The following CACNA2D1 variants were observed in gnomAD, a reference collection of about 807,000 sequenced individuals.
The protein encoded by CACNA2D1 is voltage-dependent calcium channel subunit alpha-2/delta-1.
Under a neutral mutation model 171.5 loss-of-function variants are expected in CACNA2D1, and 53 were observed. That is an observed-to-expected ratio of 0.31 (90% CI 0.25 to 0.39). CACNA2D1 has a LOEUF of 0.39. CACNA2D1 is among the 10% of genes least tolerant of loss of function. The pLI, the probability that CACNA2D1 is intolerant of heterozygous loss-of-function variation, is 1.00. For missense variants in CACNA2D1, 903 were observed against 1,299.8 expected (o/e 0.69, Z 4.69); for synonymous variants, 442 against 443.1 (o/e 1.00, Z 0.03).
chr7:82,330,118 GT>G (rs1817140447), intron 3 of CACNA2D1, among the ~76,000 whole-genome samples: 1 of 151,724 alleles, frequency 6.6e-6, no homozygotes, highest in Non-Finnish European at 1.5e-5. Flanking sequence ...CAACTAAAAG[GT>G]TTTGATATCG....
chr7:82,032,135 A>G (rs1185534624), intron 12 of CACNA2D1, among the ~76,000 whole-genome samples: 1 of 152,010 alleles, frequency 6.6e-6, no homozygotes, highest in Non-Finnish European at 1.5e-5. Context: ...CCTCCACAGT[A>G]TCAGGTTCAA....
intron 18 of CACNA2D1, chr7:82,001,637 G>A: frequency 9.6e-7 from 1 of 1,043,348 alleles, no homozygotes; most frequent in Non-Finnish European, 1.3e-6. Context: ...GCACTGTTAA[G>A]GCTACCTTCA....
intron 1 of CACNA2D1, among the ~76,000 whole-genome samples, chr7:82,432,313 T>C (rs144608470): frequency 6.6e-6 from 1 of 152,314 alleles, no homozygotes; most frequent in Non-Finnish European, 1.5e-5. Context: ...TTTTCCACAC[T>C]GCAATGGTAC....
intron 3 of CACNA2D1, among the ~76,000 whole-genome samples, chr7:82,304,105 T>C (rs1813399441): frequency 6.6e-6 from 1 of 152,080 alleles, no homozygotes; most frequent in African/African-American, 2.4e-5. Context: ...TCAACATCGC[T>C]AATCATCAGG....
intron 3 of CACNA2D1, among the ~76,000 whole-genome samples, chr7:82,190,550 C>T (rs1418050459): frequency 6.6e-6 from 1 of 151,534 alleles, no homozygotes; most frequent in African/African-American, 2.4e-5. Flanking sequence ...TTTAATCAAC[C>T]CAGTAGTGTG....
At chr7:82,114,656 T>C (rs979384071) in intron 6 of CACNA2D1, among the ~76,000 whole-genome samples, 9 of 151,038 alleles carry the variant, frequency 6.0e-5, no homozygotes, top group African/African-American at 1.9e-4. Flanking sequence ...CTCAGGAGGC[T>C]GAAGCAGGAT....
At chr7:81,968,818 A>G (rs1794971843) in intron 29 of CACNA2D1, 69 bp downstream of exon 29, 13 of 867,600 alleles carry the variant, frequency 1.5e-5, no homozygotes, top group Non-Finnish European at 2.5e-5. Context: ...AAACATTGCC[A>G]GTTTATAATA....
intron 27 of CACNA2D1, 138 bp from the exon 28 acceptor site, chr7:81,970,122 A>C: frequency 1.5e-6 from 1 of 682,472 alleles, no homozygotes. Context: ...TTGATAGCAT[A>C]ACTGATACTC....
intron 3 of CACNA2D1, among the ~76,000 whole-genome samples, chr7:82,258,055 C>G (rs116256287): frequency 0.01 from 1,557 of 152,114 alleles, 20 homozygotes; most frequent in African/African-American, 0.035. Context: ...AAGCCATTTG[C>G]TTCTACAGAA....
intron 6 of CACNA2D1, among the ~76,000 whole-genome samples, chr7:82,091,841 A>G (rs1811210400): frequency 1.3e-5 from 2 of 152,210 alleles, no homozygotes; most frequent in African/African-American, 2.4e-5. Context: ...ACAACATACT[A>G]CTTAAAACAA....
chr7:82,361,430 T>C (rs895613602), intron 1 of CACNA2D1, among the ~76,000 whole-genome samples: 9 of 152,206 alleles, frequency 5.9e-5, no homozygotes, highest in Non-Finnish European at 1.2e-4. Context: ...AAAGTTTATA[T>C]AAATGTCCAA....
At chr7:82,001,663 A>AT (rs1798612420) in intron 18 of CACNA2D1, 1 of 1,234,320 alleles carries the variant, frequency 8.1e-7, no homozygotes, top group South Asian at 1.2e-5. Context: ...AGTTACCTGG[A>AT]TATTGGGTCT....
At chr7:81,956,931 T>C (rs1793450275) in intron 38 of CACNA2D1, among the ~76,000 whole-genome samples, 1 of 152,154 alleles carries the variant, frequency 6.6e-6, no homozygotes, top group Admixed American at 6.6e-5. Flanking sequence ...CTTAAAAGGT[T>C]AATTAATAAT....
intron 10 of CACNA2D1, among the ~76,000 whole-genome samples, chr7:82,048,791 A>C (rs1457716305): frequency 6.6e-6 from 1 of 152,080 alleles, no homozygotes; most frequent in Non-Finnish European, 1.5e-5. Flanking sequence ...CTTTACCTAC[A>C]CTCAAAATTA....
At chr7:82,165,885 G>A (rs762033429) in intron 4 of CACNA2D1, among the ~76,000 whole-genome samples, 2 of 151,988 alleles carry the variant, frequency 1.3e-5, no homozygotes, top group Non-Finnish European at 2.9e-5. Context: ...TCATTTTGGT[G>A]ATCTATTAAA....
intron 5 of CACNA2D1, 65 bp from the exon 6 acceptor site, chr7:82,117,238 T>A: frequency 6.8e-7 from 1 of 1,477,396 alleles, no homozygotes; most frequent in Non-Finnish European, 9.4e-7. Flanking sequence ...TCACATGCAC[T>A]TCTTTACTTG....
Position 82,005,409 on chromosome 7 carries a change from AATT to A in CACNA2D1, c.1590+11_1590+13del, listed in dbSNP as rs1224374495. ...TACAAAACACTAATCACTGTAAACA[AATT>A]ATATACTGACCTTTGGCTGAAGATT... On this transcript the variant is annotated intron_variant, in intron 18 of 38. Coordinates refer to ENST00000356860, the MANE Select transcript of CACNA2D1 (RefSeq NM_000722.4). The A allele has an allele frequency of 6.7e-7, 1 of 1,500,374 alleles. No individual in the cohort carries two copies. Among genetic ancestry groups the A allele is most frequent in the African/African-American group, 1.4e-5 (1 of 72,748 alleles). The allele number at this position is 1,500,374 out of a possible 1,614,324, so 92.9% of individuals were successfully genotyped here.
Position 81,969,938 on chromosome 7 carries a change from A to C in CACNA2D1, c.2251T>G (p.Phe751Val), listed in dbSNP as rs1157208355. 5 of 1,609,070 alleles carry C rather than the reference A, an allele frequency of 3.1e-6. No individual in the cohort carries two copies. Residue 751 changes from phenylalanine to valine, a missense_variant, in exon 28 of 39, where the codon TTC becomes GTC. Coordinates refer to ENST00000356860, the MANE Select transcript of CACNA2D1 (RefSeq NM_000722.4). Reference protein sequence around the residue: ...QENPETYEDSFYKRSLDNDNY... With the variant: ...QENPETYEDSVYKRSLDNDNY... ...TCATTATCTAGGCTCCTTTTATAGA[A>C]GCTGTCCTCATATGTCTCTGGGTTT...
At chr7:82,071,212 C>A (rs1217479973) in intron 7 of CACNA2D1, among the ~76,000 whole-genome samples, 1 of 152,132 alleles carries the variant, frequency 6.6e-6, no homozygotes, top group Non-Finnish European at 1.5e-5. Context: ...CACACCCCTG[C>A]AGATGTGCCA....
Sources: gnomAD v4.1 joint callset for allele counts (sites outside exome capture counted in the v4.1 genomes callset) on GRCh38, gnomAD v4.1.1 for gene constraint, MANE v1.5 for transcripts, NCBI Gene and HGNC (gene_info 2026-07-23, HGNC 2026-07-21) for gene names.